Variants in SLC24A3 observed in about 807,000 individuals in gnomAD.
SLC24A3 encodes the protein sodium/potassium/calcium exchanger 3.
A neutral mutation model predicts 75.8 loss-of-function variants in SLC24A3; 28 were observed. That is an observed-to-expected ratio of 0.37 (90% CI 0.27 to 0.51). SLC24A3 has a LOEUF of 0.51. SLC24A3 is among the 20% of genes least tolerant of loss of function. The pLI, the probability that SLC24A3 is intolerant of heterozygous loss-of-function variation, is 0.94. For missense variants in SLC24A3, 663 were observed against 847.8 expected, an observed-to-expected ratio of 0.78 and a Z score of 2.71; for synonymous variants, 372 against 334.1, an observed-to-expected ratio of 1.11 and a Z score of -1.24.
At chr20:19,657,479 GT>G (rs1327598755) in intron 7 of SLC24A3, among the ~76,000 whole-genome samples, 1 of 152,160 alleles carries the variant, frequency 6.6e-6, no homozygotes, top group African/African-American at 2.4e-5. Flanking sequence ...TTTCCTTGGG[GT>G]ATTCATCTGT....
At chr20:19,254,992 C>T (rs1982770042) in intron 1 of SLC24A3, among the ~76,000 whole-genome samples, 1 of 152,206 alleles carries the variant, frequency 6.6e-6, no homozygotes, top group African/African-American at 2.4e-5. Context: ...AAGCTGCTTC[C>T]AGTACTGTAT....
chr20:19,368,641 T>C (rs777150399), intron 2 of SLC24A3, among the ~76,000 whole-genome samples: 3 of 152,246 alleles, frequency 2.0e-5, no homozygotes, highest in Non-Finnish European at 4.4e-5. Flanking sequence ...CTCTGGTACA[T>C]CTGCTTCACC....
intron 2 of SLC24A3, among the ~76,000 whole-genome samples, chr20:19,335,500 C>G (rs760421331): frequency 4.4e-4 from 67 of 152,312 alleles, no homozygotes; most frequent in Non-Finnish European, 8.2e-4. Context: ...GGAATTCATT[C>G]CTGTAGGACT....
At chr20:19,242,261 T>C (rs1982352785) in intron 1 of SLC24A3, 1 of 152,222 alleles carries the variant, frequency 6.6e-6, no homozygotes. Context: ...GGAGCCAGGC[T>C]GCATGGGCCC....
intron 1 of SLC24A3, among the ~76,000 whole-genome samples, chr20:19,226,551 T>C (rs1020542521): frequency 6.6e-6 from 1 of 152,174 alleles, no homozygotes; most frequent in Admixed American, 6.5e-5. Flanking sequence ...AAACTAGTTT[T>C]AATGTCTGCT....
At chr20:19,382,398 GA>G (rs11477403) in intron 2 of SLC24A3, among the ~76,000 whole-genome samples, 2,478 of 150,876 alleles carry the variant, frequency 0.016, 54 homozygotes, top group Admixed American at 0.062. Context: ...GTGGGAGGAA[GA>G]AAAAAAAATA....
intron 6 of SLC24A3, among the ~76,000 whole-genome samples, chr20:19,605,051 C>T (rs1257229498): frequency 6.6e-6 from 1 of 152,120 alleles, no homozygotes; most frequent in Admixed American, 6.5e-5. Flanking sequence ...TTAGAACACT[C>T]AGTCTGACCA....
chr20:19,516,978 A>C (rs1050850405), intron 3 of SLC24A3, among the ~76,000 whole-genome samples: 4 of 152,150 alleles, frequency 2.6e-5, no homozygotes, highest in Middle Eastern at 3.4e-3. Context: ...CTTGATCTTG[A>C]CTCTGGGTAA....
At chr20:19,525,148 T>C (rs1208184619) in intron 3 of SLC24A3, among the ~76,000 whole-genome samples, 1 of 152,182 alleles carries the variant, frequency 6.6e-6, no homozygotes, top group African/African-American at 2.4e-5. Context: ...CCCCCTTATA[T>C]AGTAGAGACT....
intron 12 of SLC24A3, 45 bp downstream of exon 12, chr20:19,685,406 C>G: frequency 6.3e-7 from 1 of 1,598,796 alleles, no homozygotes; most frequent in Non-Finnish European, 8.5e-7. Flanking sequence ...CTATTTTGAG[C>G]CACTGAGTAG....
intron 3 of SLC24A3, among the ~76,000 whole-genome samples, chr20:19,536,638 G>A (rs531562925): frequency 2.6e-5 from 4 of 152,278 alleles, no homozygotes; most frequent in East Asian, 3.9e-4. Flanking sequence ...CTACAAGGCT[G>A]CAGTAACCAA....
At chr20:19,683,936 G>T in intron 10 of SLC24A3, among the ~76,000 whole-genome samples, 1 of 152,170 alleles carries the variant, frequency 6.6e-6, no homozygotes, top group East Asian at 1.9e-4. Context: ...AATAAGGAAA[G>T]AAGAGTGGAT....
intron 6 of SLC24A3, among the ~76,000 whole-genome samples, chr20:19,603,182 A>G (rs2031550449): frequency 6.6e-6 from 1 of 152,162 alleles, no homozygotes; most frequent in South Asian, 2.1e-4. Flanking sequence ...CCCTGATTTG[A>G]CCAGAGTTGG....
intron 6 of SLC24A3, among the ~76,000 whole-genome samples, chr20:19,601,147 T>A (rs1378989214): frequency 6.6e-6 from 1 of 152,230 alleles, no homozygotes; most frequent in Non-Finnish European, 1.5e-5. Flanking sequence ...TATATGTTTA[T>A]ATATGTAAAA....
At chr20:19,544,062 T>C (rs531754793) in intron 3 of SLC24A3, among the ~76,000 whole-genome samples, 1 of 152,312 alleles carries the variant, frequency 6.6e-6, no homozygotes, top group Non-Finnish European at 1.5e-5. Context: ...GTTACTGCAG[T>C]CATACTTCAT....
chr20:19,624,831 G>A (rs1458251774), intron 6 of SLC24A3, among the ~76,000 whole-genome samples: 2 of 152,220 alleles, frequency 1.3e-5, no homozygotes, highest in African/African-American at 4.8e-5. Flanking sequence ...TTTTGTGGAT[G>A]AGTCTACATA....
intron 6 of SLC24A3, among the ~76,000 whole-genome samples, chr20:19,649,703 C>T (rs2032179222): frequency 6.6e-6 from 1 of 151,980 alleles, no homozygotes; most frequent in African/African-American, 2.4e-5. Flanking sequence ...AAGGAAAATC[C>T]CCATGGGAGG....
chr20:19,370,331 C>A (rs898156436), intron 2 of SLC24A3, among the ~76,000 whole-genome samples: 37 of 152,216 alleles, frequency 2.4e-4, no homozygotes, highest in African/African-American at 8.9e-4. Flanking sequence ...TAAGTGATGT[C>A]ATTGACTGTA....
At chr20:19,626,023 A>G (rs1405950075) in intron 6 of SLC24A3, among the ~76,000 whole-genome samples, 1 of 152,060 alleles carries the variant, frequency 6.6e-6, no homozygotes, top group African/African-American at 2.4e-5. Flanking sequence ...TCCTGAGTTT[A>G]GCCCACCTGA....
Sources: allele counts gnomAD v4.1 joint callset (sites outside exome capture counted in the v4.1 genomes callset), GRCh38; gene constraint gnomAD v4.1.1; transcripts MANE v1.5; gene names NCBI Gene and HGNC (gene_info 2026-07-23, HGNC 2026-07-21).